Variants in PRAMEF7 observed in about 807,000 individuals in gnomAD.
PRAMEF7 encodes PRAME family member 7.
PRAMEF7 carries 2 observed loss-of-function variants against 12.3 expected under a neutral mutation model. That is an observed-to-expected ratio of 0.16 (90% CI 0.07 to 0.51). PRAMEF7 has a LOEUF of 0.51. Ranked by LOEUF, PRAMEF7 falls within the 20% of genes least tolerant of loss-of-function variation. PRAMEF7 has a pLI of 0.95. For synonymous variants in PRAMEF7, 5 were observed against 117.1 expected, an observed-to-expected ratio of 0.04 and a Z score of 6.18; for missense variants, 14 against 275.4, an observed-to-expected ratio of 0.05 and a Z score of 6.72.
At position 12,917,871 on chromosome 1, in the gene PRAMEF7, CT is replaced by C; in HGVS notation, c.182del (p.Phe61SerfsTer6). ...CTGAAAACAATGGTGCAGGCCTGGC[CT>C]TTCACCCGCCTCCCTCTAGGGTCCC... On this transcript the variant is annotated frameshift_variant, in exon 1 of 3. Transcript: ENST00000330881. LOFTEE classifies it high-confidence loss of function. The C allele has an allele frequency of 1.3e-6, 1 of 799,588 alleles. No individual in the cohort carries two copies. Among genetic ancestry groups the C allele is most frequent in the Non-Finnish European group, 1.7e-6 (1 of 602,724 alleles). The allele number at this position is 799,588 out of a possible 1,614,324, so 49.5% of individuals were successfully genotyped here.
At position 12,917,834 on chromosome 1, in the gene PRAMEF7, C is replaced by G; in HGVS notation, c.142C>G (p.Arg48Gly). 13 of 849,440 alleles carry G rather than the reference C, an allele frequency of 1.5e-5. 4 individuals are homozygous for G. Among genetic ancestry groups the G allele is most frequent in the Non-Finnish European group, 2.0e-5 (13 of 654,718 alleles). The allele number at this position is 849,440 out of a possible 1,614,324, so 52.6% of individuals were successfully genotyped here. A position where few individuals can be genotyped will look rare whatever the true frequency, so the allele number is the denominator to read the frequency against. Residue 48 changes from arginine (R) to glycine (G), a missense_variant, in exon 1 of 3, where the codon CGC (arginine) becomes GGC (glycine). Transcript: ENST00000330881. ...GTTCATGGAGGCCTTCAGCAGGAGA[C>G]GCTGTGAAACCCTGAAAACAATGGT...
intron 1 of PRAMEF7, 138 bp from the exon 3 acceptor site, chr1:12,918,224 C>CA: frequency 2.3e-4 from 11 of 48,006 alleles, no homozygotes; most frequent in Non-Finnish European, 2.9e-4. Flanking sequence ...GGGGATGAGG[C>CA]AAAATCCGGA....
Position 12,919,971 on chromosome 1 carries a change from G to T in PRAMEF7, c.983G>T (p.Gly328Val). 1 of 870,152 alleles carries T rather than the reference G, an allele frequency of 1.1e-6. No individual in the cohort carries two copies. The allele number at this position is 870,152 out of a possible 1,614,324, so 53.9% of individuals were successfully genotyped here. A position where few individuals can be genotyped will look rare whatever the true frequency, so the allele number is the denominator to read the frequency against. ...CAATTAAAGGAGCTGGACCTGAGGG[G>T]TGTCACGCTGACCCATTTCAGCCCT... is the stretch of plus-strand genomic sequence containing the variant. The change falls in exon 3 of 3, where the codon GGT becomes GTT. Residue 328 changes from glycine to valine, a missense_variant. Physicochemically the swap from Gly to Val is moderately radical, Grantham distance 109. Coordinates refer to ENST00000330881, the Ensembl canonical transcript of PRAMEF7.
rs1557655079 is a variant in PRAMEF7, at chr1:12,917,706, C to CCCCA, written c.19_22dup (p.Arg8ThrfsTer44). On this transcript the variant is annotated frameshift_variant, in exon 1 of 3. Transcript: ENST00000330881. LOFTEE classifies it high-confidence loss of function. The stretch of plus-strand genomic sequence containing the variant: ...AGATTCATCAAGATGAGCATCAGGG[C>CCCCA]CCCACCCAGACTCCTGGAGCTGGCA... 3.7e-6 allele frequency: 3 copies of CCCCA among 802,186 alleles called. No individual in the cohort carries two copies. The highest frequency in any genetic ancestry group is 5.1e-6 in the Non-Finnish European group (3 of 588,374). The allele number at this position is 802,186 out of a possible 1,614,324, so 49.7% of individuals were successfully genotyped here. A position where few individuals can be genotyped will look rare whatever the true frequency, so the allele number is the denominator to read the frequency against.
exon 3 of PRAMEF7, chr1:12,920,002 C>T (rs148135208): frequency 1.2e-6 from 1 of 855,982 alleles, no homozygotes; most frequent in Non-Finnish European, 1.5e-6. Flanking sequence ...GCCCTGAGCC[C>T]CTCACAGGTC....
At chr1:12,919,989 T>A (rs1249514244) in exon 3 of PRAMEF7, 1 of 866,378 alleles carries the variant, frequency 1.2e-6, no homozygotes, top group Non-Finnish European at 1.5e-6. Context: ...CTGACCCATT[T>A]CAGCCCTGAG....
intron 1 of PRAMEF7, 94 bp downstream of exon 2, chr1:12,918,073 AG>A: frequency 4.0e-6 from 1 of 252,906 alleles, no homozygotes; most frequent in Non-Finnish European, 6.3e-6. Flanking sequence ...GGAGGCCCAG[AG>A]GTTTCTGATG....
chr1:12,917,451 A>C (rs1426392427), upstream of PRAMEF7, among the ~76,000 whole-genome samples: 2 of 151,694 alleles, frequency 1.3e-5, no homozygotes, highest in Non-Finnish European at 2.9e-5. Context: ...TTAATGGGCC[A>C]CTGGCCACCT....
upstream of PRAMEF7, chr1:12,917,570 T>C (rs1323076352): frequency 1.8e-6 from 1 of 543,558 alleles, no homozygotes; most frequent in Admixed American, 3.2e-5. Context: ...TTGAGGGCTT[T>C]TCCACCTCCA....
exon 3 of PRAMEF7, chr1:12,919,852 G>A (rs762338686): frequency 1.0e-6 from 1 of 959,870 alleles, no homozygotes; most frequent in Non-Finnish European, 1.4e-6. Context: ...TCTCTCCCAG[G>A]TGTCTCCAGG....
At chr1:12,919,580 A>C (rs568622314) in intron 2 of PRAMEF7, among the ~76,000 whole-genome samples, 2 of 150,726 alleles carry the variant, frequency 1.3e-5, no homozygotes, top group Non-Finnish European at 2.9e-5. Context: ...CTGTGTCTCC[A>C]TCGGGCTCCT....
chr1:12,918,812 TC>T lies in PRAMEF7; in HGVS notation c.743del (p.Pro248GlnfsTer52). 1 of 96,736 alleles carries T rather than the reference TC, an allele frequency of 1.0e-5. No homozygotes were observed. Among genetic ancestry groups the T allele is most frequent in the Admixed American group, 1.6e-4 (1 of 6,238 alleles). The allele number at this position is 96,736 out of a possible 1,614,324, so 6.0% of individuals were successfully genotyped here. On this transcript the variant is annotated frameshift_variant, in exon 2 of 3. Coordinates refer to ENST00000330881, the Ensembl canonical transcript of PRAMEF7. LOFTEE classifies it high-confidence loss of function. ...TCAACATCCGTGCATCTGCCTGCAT[TC>T]CCCCAGACAACAAGGGGCAGTTCAT...
Position 12,918,683 on chromosome 1 carries a change from CTG to C in PRAMEF7, c.611_612del (p.Cys204TyrfsTer133). ...AGGTCCTGAACATGGTGGAGCTTGA[CTG>C]TATCCAGGAGGTGGAAGTGTGCTGC... On this transcript the variant is annotated frameshift_variant, in exon 2 of 3. Coordinates refer to ENST00000330881, the Ensembl canonical transcript of PRAMEF7. LOFTEE classifies it high-confidence loss of function. 8 of 76,260 alleles carry C rather than the reference CTG, an allele frequency of 1.0e-4. 2 individuals are homozygous for C. Among genetic ancestry groups the C allele is most frequent in the South Asian group, 8.2e-4 (8 of 9,806 alleles). 4.7% of individuals were successfully genotyped at this position (76,260 alleles called of 1,614,324 possible).
rs377183480 is a variant in PRAMEF7 at position 12,919,880 on chromosome 1, G to A, written c.892G>A (p.Val298Ile). 41 of 908,454 alleles carry A rather than the reference G, an allele frequency of 4.5e-5. 12 individuals are homozygous for A. Among genetic ancestry groups the A allele is most frequent in the African/African-American group, 4.5e-4 (7 of 15,638 alleles). 56.3% of individuals were successfully genotyped at this position (908,454 alleles called of 1,614,324 possible). ...TCTCCAGGCCTCCTTGGAGATGGTCGTTATGACCGACTGCCTGCTGTCAGA... is the reference window on the plus strand; with the variant it reads ...TCTCCAGGCCTCCTTGGAGATGGTCATTATGACCGACTGCCTGCTGTCAGA... The change falls in exon 3 of 3, where the codon GTT (valine) becomes ATT (isoleucine). Residue 298 changes from valine to isoleucine, a missense_variant. Physicochemically the swap from Val to Ile is conservative, Grantham distance 29. Transcript: ENST00000330881.
Position 12,919,904 on chromosome 1 carries a change from G to C in PRAMEF7, c.916G>C (p.Glu306Gln). The change falls in exon 3 of 3, where the codon GAG becomes CAG. Residue 306 changes from glutamate (E) to glutamine (Q), a missense_variant. Coordinates refer to ENST00000330881, the Ensembl canonical transcript of PRAMEF7. ...CGTTATGACCGACTGCCTGCTGTCA[G>C]AGTCAGACTTGAAGCATCTCTCTTG... The C allele has an allele frequency of 2.4e-6, 2 of 844,396 alleles. 1 individual carries two copies. Among genetic ancestry groups the C allele is most frequent in the Non-Finnish European group, 3.1e-6 (2 of 649,664 alleles). 52.3% of individuals were successfully genotyped at this position (844,396 alleles called of 1,614,324 possible).
In PRAMEF7 at chr1:12,918,705, T is replaced by TA; in HGVS notation, c.631_632insA (p.Cys211Ter). The change falls in exon 2 of 3, where the codon TGC becomes TAGC. Residue 211 changes from cysteine (C) to a stop codon, truncating the protein, a stop_gained and frameshift_variant. Transcript: ENST00000330881. LOFTEE classifies it high-confidence loss of function. The stretch of plus-strand genomic sequence containing the variant: ...TGACTGTATCCAGGAGGTGGAAGTG[T>TA]GCTGCCCCTGGGAGCTGTCCACTCT... The TA allele has an allele frequency of 1.2e-5, 1 of 83,820 alleles. No individual in the cohort carries two copies. Among genetic ancestry groups the TA allele is most frequent in the Admixed American group, 1.7e-4 (1 of 5,808 alleles). The allele number at this position is 83,820 out of a possible 1,614,324, so 5.2% of individuals were successfully genotyped here.
Position 12,920,046 on chromosome 1 carries a change from T to C in PRAMEF7, c.1058T>C (p.Leu353Pro). 3 of 1,108,180 alleles carry C rather than the reference T, an allele frequency of 2.7e-6. 1 individual carries two copies. The highest frequency in any genetic ancestry group is 1.4e-5 in the South Asian group (1 of 72,824). 68.6% of individuals were successfully genotyped at this position (1,108,180 alleles called of 1,614,324 possible). A position where few individuals can be genotyped will look rare whatever the true frequency, so the allele number is the denominator to read the frequency against. Residue 353 changes from leucine to proline, a missense_variant, in exon 3 of 3, where the codon CTG (leucine) becomes CCG (proline). By Grantham distance (98) the Leu-to-Pro change is moderately conservative (BLOSUM62 -3). Coordinates refer to ENST00000330881, the Ensembl canonical transcript of PRAMEF7. ...CAAGCTGTGGCCACCCTGCAGACCC[T>C]GGACTTAGAGGACTGTGGGATCATG... is the stretch of plus-strand genomic sequence containing the variant.
At chr1:12,919,449 A>G in intron 2 of PRAMEF7, among the ~76,000 whole-genome samples, 1 of 151,210 alleles carries the variant, frequency 6.6e-6, no homozygotes, top group Non-Finnish European at 1.5e-5. Flanking sequence ...GTGAGGGAGC[A>G]GGAGCAAAGA....
intron 2 of PRAMEF7, among the ~76,000 whole-genome samples, chr1:12,919,424 A>ATGAT (rs1359012622): frequency 1.3e-5 from 2 of 149,608 alleles, no homozygotes; most frequent in South Asian, 4.3e-4. Context: ...GAAATACATG[A>ATGAT]TGATAGAATA....
Sources: allele counts gnomAD v4.1 joint callset (sites outside exome capture counted in the v4.1 genomes callset), GRCh38; gene constraint gnomAD v4.1.1; transcripts MANE v1.5; gene names NCBI Gene and HGNC (gene_info 2026-07-23, HGNC 2026-07-21).